Variants in PTPRD observed in about 807,000 individuals in gnomAD.
PTPRD encodes the protein protein tyrosine phosphatase receptor type D.
Under a neutral mutation model 214.5 loss-of-function variants are expected in PTPRD, and 34 were observed. The ratio of observed to expected loss-of-function variants is 0.16; its 90% CI spans 0.12 to 0.21. The LOEUF (loss-of-function observed/expected upper bound fraction) is 0.21, where lower values mean the gene tolerates loss of function less well. Ranked by LOEUF, PTPRD falls within the 10% of genes least tolerant of loss-of-function variation. The pLI is 1.00. For synonymous variants in PTPRD, 1,128 were observed against 845.7 expected (o/e 1.33, Z -5.79); for missense variants, 2,545 against 2,398.7 (o/e 1.06, Z -1.27).
At chr9:9,232,023 C>T (rs747903767) in intron 9 of PTPRD, among the ~76,000 whole-genome samples, 2 of 152,114 alleles carry the variant, frequency 1.3e-5, no homozygotes, top group Non-Finnish European at 2.9e-5. Context: ...CTTTATGATT[C>T]TATTTCACAC....
At chr9:10,367,077 C>A (rs75794174) in intron 2 of PTPRD, among the ~76,000 whole-genome samples, 4,868 of 124,386 alleles carry the variant, frequency 0.039, 110 homozygotes, top group South Asian at 0.11. Context: ...AACAGACAAA[C>A]ATAAAAAAAA....
intron 2 of PTPRD, among the ~76,000 whole-genome samples, chr9:10,453,837 A>G (rs1379607643): frequency 6.6e-6 from 1 of 151,646 alleles, no homozygotes; most frequent in African/African-American, 2.4e-5. Context: ...TACTATGTTC[A>G]ATGAAACTGG....
chr9:9,412,218 T>C (rs1357585155), intron 8 of PTPRD, among the ~76,000 whole-genome samples: 2 of 152,228 alleles, frequency 1.3e-5, no homozygotes, highest in Non-Finnish European at 2.9e-5. Context: ...CCCACTTTTA[T>C]ATTTTAATAA....
chr9:10,294,265 G>A (rs773369996), intron 3 of PTPRD, among the ~76,000 whole-genome samples: 14 of 151,776 alleles, frequency 9.2e-5, no homozygotes, highest in African/African-American at 2.4e-4. Flanking sequence ...ATGTTCAGTG[G>A]TTCTGAGTAC....
intron 8 of PTPRD, among the ~76,000 whole-genome samples, chr9:9,403,421 T>TTCTTTCTC (rs1555360211): frequency 4.7e-5 from 7 of 149,678 alleles, no homozygotes; most frequent in African/African-American, 1.7e-4. Context: ...CTCTCTCTCT[T>TTCTTTCTC]TCTCTCTCTC....
At chr9:10,261,193 A>G (rs1225364954) in intron 3 of PTPRD, among the ~76,000 whole-genome samples, 1 of 151,364 alleles carries the variant, frequency 6.6e-6, no homozygotes, top group African/African-American at 2.4e-5. Context: ...AACAACTTGG[A>G]GAAAACAAAA....
chr9:9,706,835 G>A (rs1186957739), intron 7 of PTPRD, among the ~76,000 whole-genome samples: 1 of 152,008 alleles, frequency 6.6e-6, no homozygotes, highest in Non-Finnish European at 1.5e-5. Context: ...GTTTGGGGTG[G>A]GAATGGGGCG....
chr9:10,092,722 C>A (rs770100880), intron 3 of PTPRD, among the ~76,000 whole-genome samples: 1 of 151,506 alleles, frequency 6.6e-6, no homozygotes, highest in Non-Finnish European at 1.5e-5. Context: ...GATATAGTAA[C>A]CAAAACAGCA....
At chr9:9,219,647 A>G (rs1232248479) in intron 9 of PTPRD, among the ~76,000 whole-genome samples, 1 of 152,190 alleles carries the variant, frequency 6.6e-6, no homozygotes, top group African/African-American at 2.4e-5. Context: ...ATGTATCAAG[A>G]GCAATCCCTG....
intron 3 of PTPRD, among the ~76,000 whole-genome samples, chr9:10,058,750 C>G (rs898013385): frequency 4.6e-5 from 7 of 152,092 alleles, no homozygotes; most frequent in African/African-American, 1.7e-4. Context: ...ATACTGACAT[C>G]CCCTGCTCAG....
intron 8 of PTPRD, among the ~76,000 whole-genome samples, chr9:9,411,669 T>C (rs2075483158): frequency 2.6e-5 from 4 of 152,186 alleles, no homozygotes; most frequent in African/African-American, 9.6e-5. Context: ...AAAAAGGACC[T>C]AAACAGGCAA....
chr9:10,332,329 G>C (rs917361431), intron 3 of PTPRD, among the ~76,000 whole-genome samples: 1 of 151,772 alleles, frequency 6.6e-6, no homozygotes, highest in East Asian at 1.9e-4. Flanking sequence ...ACAGGGTTTC[G>C]AAGAGGAGAG....
intron 9 of PTPRD, among the ~76,000 whole-genome samples, chr9:9,334,786 T>C (rs1325113408): frequency 1.3e-5 from 2 of 151,964 alleles, no homozygotes; most frequent in Non-Finnish European, 2.9e-5. Flanking sequence ...ATCCCAACCA[T>C]GTTGCTTTGT....
At chr9:9,049,402 C>T (rs1367067719) in intron 10 of PTPRD, among the ~76,000 whole-genome samples, 2 of 152,116 alleles carry the variant, frequency 1.3e-5, no homozygotes, top group Non-Finnish European at 2.9e-5. Flanking sequence ...AGTTAACCAA[C>T]CTCTTTATTT....
chr9:8,750,356 C>A (rs1199223492), intron 11 of PTPRD, among the ~76,000 whole-genome samples: 1 of 151,864 alleles, frequency 6.6e-6, no homozygotes. Flanking sequence ...CAGGGTTTTA[C>A]CAAGTTGGCC....
At chr9:9,181,748 C>T (rs972854315) in intron 10 of PTPRD, among the ~76,000 whole-genome samples, 7 of 151,898 alleles carry the variant, frequency 4.6e-5, no homozygotes, top group African/African-American at 1.7e-4. Flanking sequence ...TAGAATTGGT[C>T]TGTCTTGAAG....
At chr9:9,593,142 G>GA (rs2092921934) in intron 7 of PTPRD, among the ~76,000 whole-genome samples, 1 of 145,932 alleles carries the variant, frequency 6.9e-6, no homozygotes, top group Non-Finnish European at 1.5e-5. Flanking sequence ...AAAGGAAAGG[G>GA]AAAGAAAAGA....
At chr9:8,928,905 G>A (rs1050068736) in intron 11 of PTPRD, among the ~76,000 whole-genome samples, 7 of 151,942 alleles carry the variant, frequency 4.6e-5, no homozygotes, top group African/African-American at 9.7e-5. Context: ...GAAGTCCTTC[G>A]CATCCCTCGT....
chr9:10,572,986 G>A (rs1172304218), intron 2 of PTPRD, among the ~76,000 whole-genome samples: 2 of 152,008 alleles, frequency 1.3e-5, no homozygotes, highest in African/African-American at 4.8e-5. Flanking sequence ...ATGAGGTACT[G>A]TATAGAAGAA....
Sources: allele counts gnomAD v4.1 joint callset (sites outside exome capture counted in the v4.1 genomes callset), GRCh38; gene constraint gnomAD v4.1.1; transcripts MANE v1.5; gene names NCBI Gene and HGNC (gene_info 2026-07-23, HGNC 2026-07-21).